RAB10: variants seen among roughly 807,000 people sequenced by gnomAD.
The protein encoded by RAB10 is RAB10, member RAS oncogene family, also known as ras-related protein Rab-10.
RAB10 carries 5 observed loss-of-function variants against 25.7 expected under a neutral mutation model. The ratio of observed to expected loss-of-function variants is 0.19; its 90% CI spans 0.10 to 0.41. RAB10 has a LOEUF of 0.41. Ranked by LOEUF, RAB10 falls within the 10% of genes least tolerant of loss-of-function variation. RAB10 has a pLI of 1.00. For missense variants in RAB10, 103 were observed against 245.8 expected, an observed-to-expected ratio of 0.42 and a Z score of 3.89; for synonymous variants, 89 against 86.4, an observed-to-expected ratio of 1.03 and a Z score of -0.16.
chr2:26,055,997 C>T (rs1370955040), intron 1 of RAB10, among the ~76,000 whole-genome samples: 1 of 151,906 alleles, frequency 6.6e-6, no homozygotes, highest in South Asian at 2.1e-4. Flanking sequence ...CAGGCTCAAG[C>T]GATCCTTCCA....
chr2:26,067,427 A>G (rs188794802), intron 1 of RAB10, among the ~76,000 whole-genome samples: 6 of 152,308 alleles, frequency 3.9e-5, no homozygotes, highest in Admixed American at 2.0e-4. Context: ...CACATTTCCT[A>G]TGTACATATT....
chr2:26,101,762 A>G (rs750450), intron 2 of RAB10: 120,964 of 152,164 alleles, frequency 0.79, 48,109 homozygotes, highest in East Asian at 0.87. Context: ...TGGAATACCT[A>G]ACACACAGAC....
At chr2:26,067,749 A>G (rs1666543104) in intron 1 of RAB10, among the ~76,000 whole-genome samples, 1 of 152,262 alleles carries the variant, frequency 6.6e-6, no homozygotes. Flanking sequence ...CACATCTCAC[A>G]TGACTACTGT....
At chr2:26,046,857 C>T (rs2149262775) in intron 1 of RAB10, among the ~76,000 whole-genome samples, 1 of 152,224 alleles carries the variant, frequency 6.6e-6, no homozygotes, top group African/African-American at 2.4e-5. Context: ...TGATTTGTTT[C>T]TTTCGTATAA....
At chr2:26,037,067 C>T (rs555719658) in intron 1 of RAB10, among the ~76,000 whole-genome samples, 4 of 152,116 alleles carry the variant, frequency 2.6e-5, no homozygotes, top group African/African-American at 4.8e-5. Context: ...TGAGCCACCA[C>T]GCCTGGCTGT....
intron 2 of RAB10, among the ~76,000 whole-genome samples, chr2:26,103,228 A>T (rs748306000): frequency 1.1e-4 from 16 of 152,244 alleles, no homozygotes; most frequent in Non-Finnish European, 1.3e-4. Context: ...GTAGACATTC[A>T]GTTAATATTC....
At chr2:26,109,631 A>G in intron 2 of RAB10, 137 bp from the exon 3 acceptor site, 1 of 823,420 alleles carries the variant, frequency 1.2e-6, no homozygotes, top group Non-Finnish European at 1.7e-6. Context: ...ATTTTCATCC[A>G]GTATGGGTAG....
chr2:26,078,069 A>G (rs1293161183), intron 1 of RAB10, among the ~76,000 whole-genome samples: 1 of 152,218 alleles, frequency 6.6e-6, no homozygotes, highest in African/African-American at 2.4e-5. Flanking sequence ...AAATTAAAGT[A>G]AGACAATTCC....
intron 3 of RAB10, 88 bp downstream of exon 3, chr2:26,109,994 A>T: frequency 1.5e-6 from 2 of 1,326,308 alleles, no homozygotes. Context: ...GATCTTCAGG[A>T]TATAATGTAC....
intron 2 of RAB10, among the ~76,000 whole-genome samples, chr2:26,108,083 C>T (rs1263119743): frequency 6.6e-6 from 1 of 152,216 alleles, no homozygotes; most frequent in Non-Finnish European, 1.5e-5. Context: ...GATAGAGCCA[C>T]TCTGGAAAAA....
chr2:26,114,764 G>C (rs917641422), intron 3 of RAB10, among the ~76,000 whole-genome samples: 11 of 142,712 alleles, frequency 7.7e-5, no homozygotes, highest in Admixed American at 2.7e-4. Context: ...AATTAGTCGG[G>C]TATGGTGGTA....
At chr2:26,133,685 A>C (rs548998522) in intron 5 of RAB10, among the ~76,000 whole-genome samples, 50 of 149,838 alleles carry the variant, frequency 3.3e-4, no homozygotes, top group Admixed American at 9.3e-4. Flanking sequence ...TTTTCTTTTT[A>C]TTTTTTGAGA....
At chr2:26,101,139 G>C (rs1179792117) in intron 2 of RAB10, among the ~76,000 whole-genome samples, 2 of 152,160 alleles carry the variant, frequency 1.3e-5, no homozygotes, top group African/African-American at 4.8e-5. Flanking sequence ...GTATTTGCCA[G>C]GTGTTGGTGG....
At chr2:26,129,135 TG>T (rs1422013683) in intron 5 of RAB10, among the ~76,000 whole-genome samples, 1 of 152,026 alleles carries the variant, frequency 6.6e-6, no homozygotes, top group Non-Finnish European at 1.5e-5. Context: ...CTGGGTGTGG[TG>T]GCACGTGCCT....
intron 1 of RAB10, among the ~76,000 whole-genome samples, chr2:26,060,421 T>C (rs1266967110): frequency 6.6e-6 from 1 of 152,024 alleles, no homozygotes; most frequent in African/African-American, 2.4e-5. Context: ...GCCTCCCGAG[T>C]AGCTGGGACT....
intron 1 of RAB10, among the ~76,000 whole-genome samples, chr2:26,064,030 G>T (rs544874745): frequency 6.6e-6 from 1 of 152,162 alleles, no homozygotes; most frequent in East Asian, 1.9e-4. Context: ...TCGAACTCCT[G>T]ACCACAGCTG....
chr2:26,133,709 C>T (rs1388147330), intron 5 of RAB10, among the ~76,000 whole-genome samples: 1 of 151,744 alleles, frequency 6.6e-6, no homozygotes, highest in Non-Finnish European at 1.5e-5. Flanking sequence ...AGTCTCACTC[C>T]GTCGCCCAGG....
At chr2:26,065,269 A>G (rs533002406) in intron 1 of RAB10, among the ~76,000 whole-genome samples, 1 of 151,898 alleles carries the variant, frequency 6.6e-6, no homozygotes, top group Non-Finnish European at 1.5e-5. Context: ...TTCTTTGTGC[A>G]TTTTCATGTG....
At chr2:26,045,892 A>AG (rs113124685) in intron 1 of RAB10, among the ~76,000 whole-genome samples, 5,207 of 152,278 alleles carry the variant, frequency 0.034, 296 homozygotes, top group African/African-American at 0.12. Context: ...AGTTTAAAGG[A>AG]TTACAAAGGA....
Sources: allele counts gnomAD v4.1 joint callset (sites outside exome capture counted in the v4.1 genomes callset), GRCh38; gene constraint gnomAD v4.1.1; transcripts MANE v1.5; gene names NCBI Gene and HGNC (gene_info 2026-07-23, HGNC 2026-07-21).